SLC35E4: variants seen among roughly 807,000 people sequenced by gnomAD.
SLC35E4 encodes solute carrier family 35 member E4, also known as solute carrier family 35, member E4.
Under a neutral mutation model 19.3 loss-of-function variants are expected in SLC35E4, and 15 were observed. The observed-to-expected ratio is 0.78, with a 90% CI of 0.52 to 1.20. The LOEUF (loss-of-function observed/expected upper bound fraction) is 1.20. SLC35E4 is among the 50% of genes most tolerant of loss of function. SLC35E4 has a pLI of 0.00. For missense variants in SLC35E4, 406 were observed against 472.3 expected (o/e 0.86, Z 1.30); for synonymous variants, 219 against 219.9 (o/e 1.00, Z 0.04).
chr22:30,657,197 G>A (rs1394598770), intron 2 of SLC35E4, among the ~76,000 whole-genome samples: 11 of 151,524 alleles, frequency 7.3e-5, no homozygotes, highest in Admixed American at 6.6e-4. Context: ...CACTTTGGGA[G>A]GCCGAGGTGG....
At chr22:30,666,961 A>G (rs1288734305), downstream of SLC35E4, 3 of 152,234 alleles carry the variant, frequency 2.0e-5, no homozygotes, top group South Asian at 2.1e-4. Context: ...AGTGTAAAAA[A>G]GATTTCTTCC....
downstream of SLC35E4, chr22:30,666,760 G>A (rs1397102322): frequency 1.3e-5 from 2 of 151,868 alleles, no homozygotes; most frequent in Admixed American, 6.6e-5. Flanking sequence ...ATAGTAAACA[G>A]GCAATTACAG....
chr22:30,642,476 G>C (rs936409241), intron 1 of SLC35E4, among the ~76,000 whole-genome samples: 2 of 151,924 alleles, frequency 1.3e-5, no homozygotes, highest in African/African-American at 4.8e-5. Context: ...GGTGGCTCAC[G>C]CCTGTAATCC....
intron 1 of SLC35E4, among the ~76,000 whole-genome samples, chr22:30,638,768 C>T (rs544512525): frequency 1.6e-4 from 25 of 152,194 alleles, no homozygotes; most frequent in African/African-American, 5.1e-4. Flanking sequence ...GCTGAGATCA[C>T]GCTATTGCAC....
At chr22:30,654,302 T>C in intron 2 of SLC35E4, 1 of 458,778 alleles carries the variant, frequency 2.2e-6, no homozygotes, top group Admixed American at 2.4e-5. Flanking sequence ...AGCTGTTTCT[T>C]ATTCTGGTAG....
downstream of SLC35E4, chr22:30,663,464 C>A (rs759564724): frequency 2.1e-5 from 34 of 1,611,988 alleles, no homozygotes; most frequent in East Asian, 4.0e-4. Flanking sequence ...AACGGACTTC[C>A]TTCTCATAGA....
At chr22:30,663,736 T>C, downstream of SLC35E4, 2 of 1,614,188 alleles carry the variant, frequency 1.2e-6, no homozygotes, top group Non-Finnish European at 1.7e-6. Context: ...ACGCTGTGGA[T>C]ATGGTCAGCA....
In SLC35E4 at chr22:30,637,017, T is replaced by A. The variant is rs138022967; in HGVS notation, c.567T>A (p.Cys189Ter). The stretch of plus-strand genomic sequence containing the variant: ...AGTTCCGGACACCCCCTACCGGCTG[T>A]GGCTTCCTGCTCGCAGCCACCTGCC... ...AGEFRTPPTG[C>*]GFLLAATCLR... The change falls in exon 1 of 2, where the codon TGT (cysteine) becomes TGA (stop). Residue 189 changes from cysteine (C) to a stop codon, truncating the protein, a stop_gained. Transcript: ENST00000343605. LOFTEE classifies it high-confidence loss of function. 4.1e-5 allele frequency: 65 copies of A among 1,596,372 alleles called. No homozygotes were observed. The highest frequency in any genetic ancestry group is 5.0e-5 in the Non-Finnish European group (59 of 1,168,494).
rs1490368954 is a variant in SLC35E4 at position 30,646,931 on chromosome 22, CTCTT to C, written c.956_959del (p.Leu319GlnfsTer69). On this transcript the variant is annotated frameshift_variant, in exon 2 of 2. Coordinates refer to ENST00000343605, the MANE Select transcript of SLC35E4 (RefSeq NM_001001479.4). LOFTEE classifies it high-confidence loss of function. Reference sequence around the variant, plus strand: ...CTCAGCTACGTGGGCATCGCACTCACTCTTTCAGGAATGTTCCTTTACCACAACT... The same window carrying C: ...CTCAGCTACGTGGGCATCGCACTCACTCAGGAATGTTCCTTTACCACAACT... The C allele has an allele frequency of 3.7e-6, 6 of 1,614,114 alleles. No individual in the cohort carries two copies. The highest frequency in any genetic ancestry group is 5.1e-6 in the Non-Finnish European group (6 of 1,180,062).
chr22:30,660,635 A>G (rs1237243593), intron 2 of SLC35E4, among the ~76,000 whole-genome samples: 1 of 152,216 alleles, frequency 6.6e-6, no homozygotes, highest in Non-Finnish European at 1.5e-5. Context: ...CTGAAACACA[A>G]TCAAGTGGCT....
chr22:30,654,618 GC>G, intron 2 of SLC35E4: 1 of 462,862 alleles, frequency 2.2e-6, no homozygotes. Context: ...AGTGGTAGGT[GC>G]CTCGGGAAGG....
In SLC35E4 at chr22:30,647,041, G is replaced by A. The variant is rs1417551039; in HGVS notation, c.*10G>A. 2 of 1,578,570 alleles carry A rather than the reference G, an allele frequency of 1.3e-6. No homozygotes were observed. The highest frequency in any genetic ancestry group is 1.7e-6 in the Non-Finnish European group (2 of 1,163,518). On this transcript the variant is annotated 3_prime_UTR_variant, in exon 2 of 2. Transcript: ENST00000343605. ...CAGCAAGGGTCTTTGAGACCTGGGGGATCTCAGGAGCCACCTGGGATGGCC... is the reference window on the plus strand; with the variant it reads ...CAGCAAGGGTCTTTGAGACCTGGGGAATCTCAGGAGCCACCTGGGATGGCC...
intron 2 of SLC35E4, among the ~76,000 whole-genome samples, chr22:30,657,844 C>T (rs997617451): frequency 2.0e-5 from 3 of 150,910 alleles, no homozygotes; most frequent in Non-Finnish European, 4.4e-5. Flanking sequence ...GCGGAGCTTG[C>T]AGTGAGCCAA....
intron 1 of SLC35E4, among the ~76,000 whole-genome samples, chr22:30,642,378 G>A (rs951399664): frequency 2.6e-5 from 4 of 152,276 alleles, no homozygotes; most frequent in South Asian, 2.1e-4. Context: ...AGATTCAGAC[G>A]TGAGTGTACG....
In SLC35E4 at chr22:30,647,003, G is replaced by T; in HGVS notation, c.1025G>T (p.Arg342Leu). The T allele has an allele frequency of 2.5e-6, 4 of 1,610,042 alleles. No homozygotes were observed. Among genetic ancestry groups the T allele is most frequent in the Non-Finnish European group, 3.4e-6 (4 of 1,178,586 alleles). Residue 342 changes from arginine (R) to leucine (L), a missense_variant, in exon 2 of 2, where the codon CGG becomes CTG. Arg to Leu is a moderately radical substitution (Grantham distance 102, BLOSUM62 -2). Transcript: ENST00000343605. ...TGGGCTGCCCGTCGGGGGCTGTGGCGGAGGGACCAGCCCAGCAAGGGTCTT... is the reference window on the plus strand; with the variant it reads ...TGGGCTGCCCGTCGGGGGCTGTGGCTGAGGGACCAGCCCAGCAAGGGTCTT... ...ASWAARRGLW[R>L]RDQPSKGL is the part of the protein sequence containing the mutation.
At chr22:30,657,276 A>AACACAC (rs146940549) in intron 2 of SLC35E4, among the ~76,000 whole-genome samples, 1 of 14,160 alleles carries the variant, frequency 7.1e-5, no homozygotes, top group Non-Finnish European at 1.5e-4. Context: ...CTCTACTAAA[A>AACACAC]ACACACACAC....
downstream of SLC35E4, among the ~76,000 whole-genome samples, chr22:30,666,428 C>T (rs1322477258): frequency 2.6e-5 from 4 of 152,004 alleles, no homozygotes; most frequent in Non-Finnish European, 5.9e-5. Flanking sequence ...CAAGACCAGC[C>T]TGACCAACAT....
At chr22:30,651,415 ATATATATATATATTTTTTTTTTTT>A (rs2088213188), downstream of SLC35E4, among the ~76,000 whole-genome samples, 4 of 67,180 alleles carry the variant, frequency 6.0e-5, no homozygotes, top group Non-Finnish European at 7.5e-5. Context: ...ATATATATAT[ATATATATATATATTTTTTTTTTTT>A]TTTTTTTTTT....
chr22:30,649,164 C>T (rs2088175053), downstream of SLC35E4: 1 of 715,838 alleles, frequency 1.4e-6, no homozygotes, highest in Non-Finnish European at 2.6e-6. Flanking sequence ...CCCTAGGCCT[C>T]AGCTTCCAGA....
Sources: allele counts gnomAD v4.1 joint callset (sites outside exome capture counted in the v4.1 genomes callset), GRCh38; gene constraint gnomAD v4.1.1; transcripts MANE v1.5; gene names NCBI Gene and HGNC (gene_info 2026-07-23, HGNC 2026-07-21).